The following SLC10A6 variants were observed in gnomAD, a reference collection of about 807,000 sequenced individuals.
SLC10A6 encodes sodium-dependent organic anion transporter.
A neutral mutation model predicts 30.0 loss-of-function variants in SLC10A6; 27 were observed. The observed-to-expected ratio is 0.90, with a 90% CI of 0.66 to 1.24. SLC10A6 has a LOEUF of 1.24. Ranked by LOEUF, SLC10A6 falls within the 50% of genes most tolerant of loss-of-function variation. The pLI, the probability that SLC10A6 is intolerant of heterozygous loss-of-function variation, is 0.00. For missense variants in SLC10A6, 439 were observed against 457.0 expected, an observed-to-expected ratio of 0.96 and a Z score of 0.36; for synonymous variants, 166 against 173.8, an observed-to-expected ratio of 0.95 and a Z score of 0.36.
intron 4 of SLC10A6, among the ~76,000 whole-genome samples, chr4:86,826,457 T>C (rs762477272): frequency 1.3e-5 from 2 of 152,068 alleles, no homozygotes; most frequent in Non-Finnish European, 2.9e-5. Flanking sequence ...CACACGCTCC[T>C]GTAATCCCAG....
chr4:86,842,878 T>TTTCTTTCTTTC (rs1560461956), intron 1 of SLC10A6, among the ~76,000 whole-genome samples: 16 of 84,724 alleles, frequency 1.9e-4, no homozygotes, highest in East Asian at 7.0e-4. Context: ...TTCTTTCTTT[T>TTTCTTTCTTTC]TTTTTTTGAG....
At chr4:86,834,309 G>A (rs532555473) in intron 1 of SLC10A6, among the ~76,000 whole-genome samples, 41 of 152,160 alleles carry the variant, frequency 2.7e-4, no homozygotes, top group African/African-American at 9.6e-4. Flanking sequence ...TGCAGATGCT[G>A]GCACTTTGCT....
At chr4:86,845,425 C>T (rs1320050078) in intron 1 of SLC10A6, among the ~76,000 whole-genome samples, 1 of 152,166 alleles carries the variant, frequency 6.6e-6, no homozygotes, top group Non-Finnish European at 1.5e-5. Context: ...TTAGTCGTTT[C>T]TACCAATTTA....
At chr4:86,842,799 T>TTTCTTTCTTTCC (rs1746315506) in intron 1 of SLC10A6, among the ~76,000 whole-genome samples, 1 of 5,838 alleles carries the variant, frequency 1.7e-4, no homozygotes, top group Admixed American at 1.9e-3. Context: ...TCTTTCTTTC[T>TTTCTTTCTTTCC]TTCTTTCTTT....
chr4:86,839,913 T>A (rs939331561), intron 1 of SLC10A6, among the ~76,000 whole-genome samples: 7 of 150,868 alleles, frequency 4.6e-5, no homozygotes, highest in Admixed American at 4.6e-4. Flanking sequence ...ATTTTTTTTT[T>A]TTATTTTTTT....
intron 1 of SLC10A6, among the ~76,000 whole-genome samples, chr4:86,838,840 T>C (rs1026782071): frequency 6.6e-5 from 10 of 150,600 alleles, no homozygotes; most frequent in African/African-American, 2.4e-4. Context: ...GGAGAATTGC[T>C]TGAGCCTGGG....
At position 86,849,366 on chromosome 4, in the gene SLC10A6, C is replaced by T. The variant is rs1023090547; in HGVS notation, c.-251G>A. ...AAGGCTTTCCACTTCTGTTCTTACTCACCACTGAATATGTATGTGAGATGA... is the reference window on the plus strand; with the variant it reads ...AAGGCTTTCCACTTCTGTTCTTACTTACCACTGAATATGTATGTGAGATGA... On this transcript the variant is annotated 5_prime_UTR_variant, in exon 1 of 6. Transcript: ENST00000273905. The T allele has an allele frequency of 6.0e-6, 3 of 496,318 alleles. No individual in the cohort carries two copies. Among genetic ancestry groups the T allele is most frequent in the Non-Finnish European group, 1.1e-5 (3 of 280,028 alleles). The allele number at this position is 496,318 out of a possible 1,614,324, so 30.7% of individuals were successfully genotyped here.
At chr4:86,832,034 C>T (rs560340658) in intron 2 of SLC10A6, among the ~76,000 whole-genome samples, 154 bp from the exon 3 acceptor site, 1 of 152,272 alleles carries the variant, frequency 6.6e-6, no homozygotes, top group Non-Finnish European at 1.5e-5. Context: ...ATATTGGCTC[C>T]AAAGTTATAT....
intron 1 of SLC10A6, among the ~76,000 whole-genome samples, chr4:86,841,934 G>C (rs763981469): frequency 1.3e-5 from 2 of 152,118 alleles, no homozygotes; most frequent in Non-Finnish European, 2.9e-5. Context: ...TGTTACCCTT[G>C]TCTGCTGCCT....
At chr4:86,825,891 G>T (rs969998597) in intron 4 of SLC10A6, among the ~76,000 whole-genome samples, 26 of 152,244 alleles carry the variant, frequency 1.7e-4, no homozygotes, top group African/African-American at 5.8e-4. Flanking sequence ...AATGGCAGAA[G>T]GGGTGAGAGA....
chr4:86,841,323 A>G (rs549551521), intron 1 of SLC10A6, among the ~76,000 whole-genome samples: 1 of 152,344 alleles, frequency 6.6e-6, no homozygotes, highest in Admixed American at 6.5e-5. Context: ...GGATGGCAAG[A>G]GGTTATCCTG....
In SLC10A6 at chr4:86,848,733, A is replaced by AC. The variant is rs1190864545; in HGVS notation, c.377+5dup. The AC allele has an allele frequency of 2.5e-6, 4 of 1,569,004 alleles. No homozygotes were observed. Among genetic ancestry groups the AC allele is most frequent in the African/African-American group, 1.4e-5 (1 of 73,640 alleles). ...CAGACTGCTGAGCTTCCCTGGGGTT[A>AC]CTTACCTGAGATCCATATCTCCATC... On this transcript the variant is annotated splice_donor_region_variant and intron_variant, in intron 1 of 5. Transcript: ENST00000273905.
intron 2 of SLC10A6, 51 bp downstream of exon 2, chr4:86,833,255 T>C: frequency 7.4e-7 from 1 of 1,345,792 alleles, no homozygotes; most frequent in Non-Finnish European, 1.1e-6. Flanking sequence ...CAGCTATTAT[T>C]AGTATCATCA....
At chr4:86,844,910 A>G (rs1305931030) in intron 1 of SLC10A6, among the ~76,000 whole-genome samples, 3 of 152,184 alleles carry the variant, frequency 2.0e-5, no homozygotes, top group Non-Finnish European at 2.9e-5. Context: ...CCAAACACTT[A>G]TAAAACCATC....
At chr4:86,845,954 T>A (rs1271413751) in intron 1 of SLC10A6, among the ~76,000 whole-genome samples, 1 of 152,208 alleles carries the variant, frequency 6.6e-6, no homozygotes, top group Non-Finnish European at 1.5e-5. Context: ...GTGCACTGCA[T>A]GAAGCAGGAG....
chr4:86,845,532 C>T (rs1746378834), intron 1 of SLC10A6, among the ~76,000 whole-genome samples: 1 of 152,124 alleles, frequency 6.6e-6, no homozygotes, highest in South Asian at 2.1e-4. Context: ...GAGAAGAGGC[C>T]CAAGGTCAGG....
intron 1 of SLC10A6, among the ~76,000 whole-genome samples, chr4:86,839,323 C>T (rs1039067165): frequency 6.6e-6 from 1 of 150,452 alleles, no homozygotes; most frequent in Non-Finnish European, 1.5e-5. Context: ...TGGTGGTACA[C>T]ACCTGTAGTC....
intron 3 of SLC10A6, among the ~76,000 whole-genome samples, chr4:86,830,826 A>C (rs1321396018): frequency 6.6e-6 from 1 of 152,252 alleles, no homozygotes; most frequent in Admixed American, 6.5e-5. Context: ...AATGTAAAAT[A>C]TAACTGAAAC....
At chr4:86,833,181 C>G in intron 2 of SLC10A6, 125 bp downstream of exon 2, 1 of 692,908 alleles carries the variant, frequency 1.4e-6, no homozygotes. Context: ...CTGTAGGGTT[C>G]TTTAAGGGAT....
Sources: allele counts gnomAD v4.1 joint callset (sites outside exome capture counted in the v4.1 genomes callset), GRCh38; gene constraint gnomAD v4.1.1; transcripts MANE v1.5; gene names NCBI Gene and HGNC (gene_info 2026-07-23, HGNC 2026-07-21).